The following SDK1 variants were observed in gnomAD, a reference collection of about 807,000 sequenced individuals.
The protein encoded by SDK1 is protein sidekick-1.
SDK1 carries 157 observed loss-of-function variants against 245.5 expected under a neutral mutation model. The observed-to-expected ratio is 0.64, with a 90% CI of 0.56 to 0.73. SDK1 has a LOEUF of 0.73. Among genes scored for constraint, SDK1 ranks in the 30% least tolerant of loss-of-function variants. The pLI is 0.00. For synonymous variants in SDK1, 1,647 were observed against 1,278.5 expected (o/e 1.29, Z -6.15); for missense variants, 3,583 against 3,002.3 (o/e 1.19, Z -4.52).
chr7:3,417,252 G>A (rs937485492), intron 1 of SDK1, among the ~76,000 whole-genome samples: 4 of 152,186 alleles, frequency 2.6e-5, no homozygotes, highest in African/African-American at 9.7e-5. Flanking sequence ...AAGCTAAAGT[G>A]TAAATAATTT....
chr7:4,060,768 G>A (rs931696217), intron 19 of SDK1, among the ~76,000 whole-genome samples: 3 of 152,134 alleles, frequency 2.0e-5, no homozygotes, highest in Non-Finnish European at 2.9e-5. Flanking sequence ...GGTTTTTATG[G>A]TTTTAGGTCT....
At chr7:4,062,825 C>T (rs1779624636) in intron 19 of SDK1, among the ~76,000 whole-genome samples, 1 of 152,154 alleles carries the variant, frequency 6.6e-6, no homozygotes, top group South Asian at 2.1e-4. Flanking sequence ...AAATGTGATA[C>T]ATCACTCCAA....
intron 1 of SDK1, among the ~76,000 whole-genome samples, chr7:3,452,288 C>G (rs980230988): frequency 6.6e-6 from 1 of 152,128 alleles, no homozygotes; most frequent in African/African-American, 2.4e-5. Flanking sequence ...TAGGTGCTGG[C>G]TTTATGTGTT....
At chr7:3,415,224 C>G (rs1171060415) in intron 1 of SDK1, among the ~76,000 whole-genome samples, 1 of 152,122 alleles carries the variant, frequency 6.6e-6, no homozygotes, top group Non-Finnish European at 1.5e-5. Context: ...GGAAAAAGTG[C>G]ATATGTTACA....
intron 32 of SDK1, among the ~76,000 whole-genome samples, chr7:4,168,001 T>C (rs1781600037): frequency 6.6e-6 from 1 of 152,188 alleles, no homozygotes; most frequent in African/African-American, 2.4e-5. Flanking sequence ...TTGGAGAGCC[T>C]CTTTCACAGA....
chr7:3,955,722 C>A (rs1051789334), intron 7 of SDK1, among the ~76,000 whole-genome samples: 1 of 152,218 alleles, frequency 6.6e-6, no homozygotes, highest in African/African-American at 2.4e-5. Context: ...AAGCCAAATC[C>A]CAGCAGCATT....
intron 1 of SDK1, among the ~76,000 whole-genome samples, chr7:3,489,923 C>T (rs1251811210): frequency 2.0e-5 from 3 of 152,014 alleles, no homozygotes; most frequent in Admixed American, 6.6e-5. Context: ...ATGATATTGC[C>T]AATTACACAT....
chr7:3,968,300 A>ACTTTTCC (rs1361311083), intron 10 of SDK1, among the ~76,000 whole-genome samples: 1 of 152,230 alleles, frequency 6.6e-6, no homozygotes, highest in Non-Finnish European at 1.5e-5. Context: ...CATGAGGGCC[A>ACTTTTCC]CTGAAGGAAC....
At chr7:3,611,707 C>G (rs751689183) in intron 1 of SDK1, among the ~76,000 whole-genome samples, 6 of 152,094 alleles carry the variant, frequency 3.9e-5, no homozygotes, top group Non-Finnish European at 8.8e-5. Context: ...CTGCCAACAT[C>G]TATTATTTTT....
chr7:3,811,138 G>A (rs1779373177), intron 4 of SDK1, among the ~76,000 whole-genome samples: 1 of 152,158 alleles, frequency 6.6e-6, no homozygotes, highest in Non-Finnish European at 1.5e-5. Context: ...TAGCTTCTGA[G>A]CCAGCCTCAT....
intron 4 of SDK1, among the ~76,000 whole-genome samples, chr7:3,775,643 C>T (rs889865447): frequency 6.6e-6 from 1 of 150,862 alleles, no homozygotes; most frequent in Non-Finnish European, 1.5e-5. Context: ...GTGGCGTAAT[C>T]TCGGCTCACT....
At chr7:3,982,063 G>C (rs1783447530) in intron 13 of SDK1, among the ~76,000 whole-genome samples, 3 of 152,146 alleles carry the variant, frequency 2.0e-5, no homozygotes, top group Admixed American at 1.3e-4. Flanking sequence ...CTCTTGTTAG[G>C]GGCTAATGGA....
Position 3,661,905 on chromosome 7 carries a change from A to T in SDK1, c.713+19800A>T, listed in dbSNP as rs149739494. 6.6e-5 allele frequency among the ~76,000 whole-genome samples: 10 copies of T among 152,244 alleles called. No individual in the cohort carries two copies. In the East Asian group the frequency reaches 1.7e-3, roughly 26 times the overall value. ...CATGGCTGAGGGGGTTACCTGTTTA[A>T]GCACGTGCAACTCTAGAGGGCTTAG... On this transcript the variant is annotated intron_variant, in intron 4 of 44. Coordinates refer to ENST00000404826, the MANE Select transcript of SDK1 (RefSeq NM_152744.4).
At chr7:3,486,464 AC>A (rs1562516444) in intron 1 of SDK1, among the ~76,000 whole-genome samples, 1 of 150,778 alleles carries the variant, frequency 6.6e-6, no homozygotes, top group African/African-American at 2.4e-5. Flanking sequence ...TTTTGTTTTT[AC>A]CCCCCTAATT....
intron 5 of SDK1, among the ~76,000 whole-genome samples, chr7:3,927,778 G>A (rs1779826308): frequency 6.6e-6 from 1 of 152,208 alleles, no homozygotes; most frequent in African/African-American, 2.4e-5. Flanking sequence ...GATTTCTGAG[G>A]TATATACTTC....
intron 5 of SDK1, among the ~76,000 whole-genome samples, chr7:3,933,674 A>G (rs925031273): frequency 2.0e-5 from 3 of 152,222 alleles, no homozygotes; most frequent in African/African-American, 7.2e-5. Flanking sequence ...ATATTTGTAT[A>G]AACCTTTGCA....
intron 34 of SDK1, among the ~76,000 whole-genome samples, chr7:4,177,052 C>G (rs930490284): frequency 1.3e-5 from 2 of 152,192 alleles, no homozygotes; most frequent in African/African-American, 2.4e-5. Flanking sequence ...TGGCCCTCCC[C>G]GAGCCTATGT....
At chr7:3,485,836 C>A (rs1781678394) in intron 1 of SDK1, among the ~76,000 whole-genome samples, 1 of 151,610 alleles carries the variant, frequency 6.6e-6, no homozygotes, top group Admixed American at 6.6e-5. Flanking sequence ...ACTATGGTGG[C>A]TTTCTAAAAC....
chr7:3,888,253 C>G (rs189827270), intron 5 of SDK1, among the ~76,000 whole-genome samples: 1 of 152,316 alleles, frequency 6.6e-6, no homozygotes, highest in African/African-American at 2.4e-5. Context: ...GAAATAATTC[C>G]TTGTTCCATG....
Sources: allele counts gnomAD v4.1 joint callset (sites outside exome capture counted in the v4.1 genomes callset), GRCh38; gene constraint gnomAD v4.1.1; transcripts MANE v1.5; gene names NCBI Gene and HGNC (gene_info 2026-07-23, HGNC 2026-07-21).